The following EVL variants were observed in gnomAD, a reference collection of about 807,000 sequenced individuals.
EVL encodes the protein ena/VASP-like protein.
Under a neutral mutation model 59.6 loss-of-function variants are expected in EVL, and 21 were observed. The ratio of observed to expected loss-of-function variants is 0.35; its 90% CI spans 0.25 to 0.51. The LOEUF (loss-of-function observed/expected upper bound fraction) is 0.51. Among genes scored for constraint, EVL ranks in the 20% least tolerant of loss-of-function variants. EVL has a pLI of 0.97. For missense variants in EVL, 462 were observed against 546.6 expected (o/e 0.85, Z 1.54); for synonymous variants, 198 against 203.5 (o/e 0.97, Z 0.23).
At chr14:100,055,854 C>G (rs571935377) in intron 1 of EVL, among the ~76,000 whole-genome samples, 3 of 150,194 alleles carry the variant, frequency 2.0e-5, no homozygotes, top group Admixed American at 1.3e-4. Flanking sequence ...GCTCTGTCAC[C>G]AGACTGGAGT....
At chr14:100,024,227 A>G (rs966157027) in intron 1 of EVL, among the ~76,000 whole-genome samples, 1 of 152,136 alleles carries the variant, frequency 6.6e-6, no homozygotes, top group African/African-American at 2.4e-5. Flanking sequence ...ATTTATATCT[A>G]CTCTTGGGAA....
At chr14:100,024,661 G>C (rs1309209668) in intron 1 of EVL, among the ~76,000 whole-genome samples, 1 of 152,060 alleles carries the variant, frequency 6.6e-6, no homozygotes, top group Non-Finnish European at 1.5e-5. Context: ...TCTCTGCCTG[G>C]ATTGCCCTGC....
chr14:99,990,452 A>G lies in EVL; in HGVS notation c.5+18395A>G, dbSNP rs754798995. ...TCCAGTAGATCTCTAGAACTTTTTC[A>G]TCTTGCGAAACTGAAACTCTAAACC... On this transcript the variant is annotated intron_variant, in intron 1 of 13. Transcript: ENST00000402714. Among the ~76,000 whole-genome samples, 5 of 152,262 alleles carry G rather than the reference A, an allele frequency of 3.3e-5. No individual in the cohort carries two copies. The South Asian group carries it at 8.3e-4, about 25-fold the overall frequency.
At position 100,081,513 on chromosome 14, in the gene EVL, C is replaced by CAA. The variant is rs34871876; in HGVS notation, c.12-3157_12-3156dup. Among the ~76,000 whole-genome samples, 161 of 122,370 alleles carry CAA rather than the reference C, an allele frequency of 1.3e-3. 1 individual carries two copies. Among genetic ancestry groups the CAA allele is most frequent in the East Asian group, 0.011 (46 of 4,168 alleles). 80.3% of individuals were successfully genotyped at this position (122,370 alleles called of 152,430 possible). A position where few individuals can be genotyped will look rare whatever the true frequency, so the allele number is the denominator to read the frequency against. On this transcript the variant is annotated intron_variant, in intron 1 of 13. Coordinates refer to ENST00000392920, the MANE Select transcript of EVL (RefSeq NM_016337.3). Reference sequence around the variant, plus strand: ...TTTGAACCTAAAGTATTAACAACAGCAAAAAAAAAAAAAAAAAAGGAACCT... The same window carrying CAA: ...TTTGAACCTAAAGTATTAACAACAGCAAAAAAAAAAAAAAAAAAAAGGAACCT...
At chr14:100,035,651 G>A (rs891757869) in intron 1 of EVL, among the ~76,000 whole-genome samples, 14 of 152,114 alleles carry the variant, frequency 9.2e-5, no homozygotes, top group African/African-American at 3.4e-4. Context: ...TGTTCCAATA[G>A]GTAAGACATT....
chr14:100,077,596 G>A lies in EVL; in HGVS notation c.12-7091G>A, dbSNP rs75153939. On this transcript the variant is annotated intron_variant, in intron 1 of 13. Coordinates refer to ENST00000392920, the MANE Select transcript of EVL (RefSeq NM_016337.3). ...ACAGAGCCCATGAGGAGACGTGAAA[G>A]CGAATGGTCCTCAAAGTTTCCTTCA... Among the ~76,000 whole-genome samples the A allele has an allele frequency of 6.9e-3, 1,056 of 152,238 alleles. 31 individuals carry two copies. The East Asian group carries it at 0.093, about 13-fold the overall frequency.
chr14:100,135,723 G>A (rs1051012223), intron 8 of EVL, 182 bp from the exon 9 acceptor site: 11 of 579,510 alleles, frequency 1.9e-5, no homozygotes, highest in Middle Eastern at 2.8e-4. Context: ...CCACTGGCTC[G>A]ATTCTCTCCC....
intron 1 of EVL, among the ~76,000 whole-genome samples, chr14:99,999,177 C>T (rs1451523978): frequency 6.6e-6 from 1 of 152,052 alleles, no homozygotes; most frequent in Admixed American, 6.6e-5. Flanking sequence ...TTTGACCAGT[C>T]CCTTGCCAAT....
At chr14:100,089,931 C>T (rs1224199984) in intron 2 of EVL, among the ~76,000 whole-genome samples, 1 of 151,404 alleles carries the variant, frequency 6.6e-6, no homozygotes, top group Admixed American at 6.6e-5. Flanking sequence ...ATAACCTTGT[C>T]TCAAAAAAAA....
chr14:100,141,900 C>T, intron 13 of EVL, 107 bp downstream of exon 13: 1 of 838,400 alleles, frequency 1.2e-6, no homozygotes, highest in Non-Finnish European at 1.8e-6. Context: ...GCCCATACTG[C>T]ACTGGGCCCT....
intron 1 of EVL, among the ~76,000 whole-genome samples, chr14:100,023,008 G>A (rs376108120): frequency 1.3e-5 from 2 of 152,216 alleles, no homozygotes; most frequent in East Asian, 3.9e-4. Flanking sequence ...AGCACTGATG[G>A]TTGTGATGAT....
intron 1 of EVL, among the ~76,000 whole-genome samples, chr14:100,032,237 A>C (rs891723523): frequency 6.6e-6 from 1 of 152,244 alleles, no homozygotes; most frequent in Non-Finnish European, 1.5e-5. Context: ...AAGCCACAGA[A>C]TGAAGATTGT....
intron 1 of EVL, among the ~76,000 whole-genome samples, chr14:100,026,599 C>T (rs1236548467): frequency 2.6e-5 from 4 of 152,136 alleles, no homozygotes; most frequent in African/African-American, 9.7e-5. Context: ...GTAGAATGAC[C>T]TACCCTCCTC....
At chr14:100,103,875 G>C (rs2140331458) in intron 3 of EVL, among the ~76,000 whole-genome samples, 1 of 152,340 alleles carries the variant, frequency 6.6e-6, no homozygotes, top group South Asian at 2.1e-4. Context: ...AAGGAGGTAT[G>C]TGCTTTTCTC....
At chr14:100,003,385 G>T (rs1193683244) in intron 1 of EVL, among the ~76,000 whole-genome samples, 1 of 152,050 alleles carries the variant, frequency 6.6e-6, no homozygotes, top group Non-Finnish European at 1.5e-5. Flanking sequence ...AAGATACATG[G>T]ATGTAATAAC....
intron 11 of EVL, chr14:100,139,028 A>AGTTT (rs1375377608): frequency 6.6e-6 from 1 of 152,252 alleles, no homozygotes; most frequent in Non-Finnish European, 1.5e-5. Context: ...CGGAGTTAGA[A>AGTTT]GTTTGCATTG....
intron 1 of EVL, among the ~76,000 whole-genome samples, chr14:100,040,391 C>T (rs867026805): frequency 1.4e-4 from 21 of 152,326 alleles, no homozygotes; most frequent in African/African-American, 4.6e-4. Flanking sequence ...TCAAGCTACA[C>T]GTTCTCTGGA....
At chr14:100,024,208 T>C (rs1415794012) in intron 1 of EVL, among the ~76,000 whole-genome samples, 1 of 152,236 alleles carries the variant, frequency 6.6e-6, no homozygotes, top group Non-Finnish European at 1.5e-5. Context: ...ACTTTCTTTA[T>C]TAATTCAAAT....
At chr14:100,086,546 C>T (rs1353121206) in intron 2 of EVL, among the ~76,000 whole-genome samples, 2 of 152,224 alleles carry the variant, frequency 1.3e-5, no homozygotes, top group Non-Finnish European at 2.9e-5. Flanking sequence ...AGGAAGACGG[C>T]ATGGTGTACT....
Sources: gnomAD v4.1 joint callset for allele counts (sites outside exome capture counted in the v4.1 genomes callset) on GRCh38, gnomAD v4.1.1 for gene constraint, MANE v1.5 for transcripts, NCBI Gene and HGNC (gene_info 2026-07-23, HGNC 2026-07-21) for gene names.